Variants in KIF1B observed in about 807,000 individuals in gnomAD.
KIF1B encodes the protein kinesin family member 1B.
In KIF1B, 76 loss-of-function variants were observed where a neutral mutation model predicts 241.9. The observed-to-expected ratio is 0.31, with a 90% CI of 0.26 to 0.38. The LOEUF (loss-of-function observed/expected upper bound fraction) is 0.38. Ranked by LOEUF, KIF1B falls within the 10% of genes least tolerant of loss-of-function variation. The probability of loss-of-function intolerance (pLI) is 1.00; values close to 1 mark genes in which losing one functional copy is unlikely to be tolerated. For synonymous variants in KIF1B, 750 were observed against 796.7 expected (o/e 0.94, Z 0.99); for missense variants, 1,622 against 2,271.4 (o/e 0.71, Z 5.81).
intron 37 of KIF1B, among the ~76,000 whole-genome samples, chr1:10,349,652 T>TTTGA (rs1305953529): frequency 6.6e-6 from 1 of 151,542 alleles, no homozygotes; most frequent in Non-Finnish European, 1.5e-5. Flanking sequence ...ACACAAGCAT[T>TTTGA]TTGAGTAAGA....
At chr1:10,225,011 G>T (rs1646892538) in intron 1 of KIF1B, among the ~76,000 whole-genome samples, 2 of 152,282 alleles carry the variant, frequency 1.3e-5, no homozygotes, top group South Asian at 2.1e-4. Context: ...ACAGTTCACA[G>T]TAATGTTTGC....
chr1:10,248,597 G>A (rs896058614), intron 2 of KIF1B, among the ~76,000 whole-genome samples: 4 of 152,258 alleles, frequency 2.6e-5, no homozygotes, highest in South Asian at 2.1e-4. Context: ...GAAAGATGTC[G>A]TTCTCATGGG....
intron 15 of KIF1B, among the ~76,000 whole-genome samples, chr1:10,283,234 TAA>T (rs1649519652): frequency 8.2e-6 from 1 of 122,350 alleles, no homozygotes; most frequent in Non-Finnish European, 1.7e-5. Context: ...AAAAAAAAGA[TAA>T]AGTTAGAACA....
At position 10,337,558 on chromosome 1, in the gene KIF1B, C is replaced by T; in HGVS notation, c.3422+25C>T. 1.2e-6 allele frequency: 2 copies of T among 1,613,870 alleles called. No individual in the cohort carries two copies. Among genetic ancestry groups the T allele is most frequent in the Non-Finnish European group, 1.7e-6 (2 of 1,179,738 alleles). On this transcript the variant is annotated intron_variant, in intron 31 of 48. Coordinates refer to ENST00000676179, the MANE Select transcript of KIF1B (RefSeq NM_001365951.3). The surrounding 1 kb of genome is among the most constrained non-coding windows in gnomAD (Gnocchi z 4.0). ...AGTAAGCTGCCCCTTTGCTCTGCCT[C>T]CCAGCTAGCTGCTAACCGAGGTGAC... is the stretch of plus-strand genomic sequence containing the variant.
At chr1:10,334,752 TGTGTA>T in intron 28 of KIF1B, 114 bp downstream of exon 28, 2 of 804,326 alleles carry the variant, frequency 2.5e-6, no homozygotes, top group Non-Finnish European at 4.4e-6. Flanking sequence ...GGAGTTTGTA[TGTGTA>T]ATATACAGAC....
intron 2 of KIF1B, among the ~76,000 whole-genome samples, chr1:10,235,128 C>T (rs529926783): frequency 2.0e-5 from 3 of 150,554 alleles, no homozygotes; most frequent in Admixed American, 2.0e-4. Flanking sequence ...GACCTCAGGT[C>T]ATCCGCCTGC....
intron 23 of KIF1B, 103 bp from the exon 24 acceptor site, chr1:10,321,606 C>A: frequency 7.9e-7 from 1 of 1,272,254 alleles, no homozygotes; most frequent in Non-Finnish European, 1.1e-6. Context: ...TGGAGAGAAA[C>A]TGGAAAACAC....
chr1:10,326,672 T>C lies in KIF1B; in HGVS notation c.2924+313T>C, dbSNP rs1301376486. 6.6e-6 allele frequency among the ~76,000 whole-genome samples: 1 copy of C among 152,178 alleles called. No homozygotes were observed. The highest frequency in any genetic ancestry group is 1.5e-5 in the Non-Finnish European group (1 of 68,032). On this transcript the variant is annotated intron_variant, in intron 27 of 48. Transcript: ENST00000676179. The surrounding 1 kb of genome is among the most constrained non-coding windows in gnomAD (Gnocchi z 5.2). ...GGAACCCCAAAGGAGAAAGTAAAGC[T>C]AAGAGTCAAACGTAGTGGGTTCAGT...
rs142283929 is a variant in KIF1B at position 10,222,184 on chromosome 1, C to T, written c.-79-10066C>T. On this transcript the variant is annotated intron_variant, in intron 1 of 48. Transcript: ENST00000676179. Reference sequence around the variant, plus strand: ...ATGCCCTTTTACTCAGAAAAGCAGACGGATATTAAGAAATGAATTAACGCA... The same window carrying T: ...ATGCCCTTTTACTCAGAAAAGCAGATGGATATTAAGAAATGAATTAACGCA... Among the ~76,000 whole-genome samples the T allele has an allele frequency of 5.3e-5, 8 of 152,258 alleles. No individual in the cohort carries two copies. In the East Asian group the frequency reaches 5.8e-4, roughly 11 times the overall value.
chr1:10,374,462 C>T lies in KIF1B; in HGVS notation c.5093C>T (p.Pro1698Leu). 6.2e-7 allele frequency: 1 copy of T among 1,614,072 alleles called. No individual in the cohort carries two copies. The highest frequency in any genetic ancestry group is 1.1e-5 in the South Asian group (1 of 91,076). Residue 1698 changes from proline (P) to leucine (L), a missense_variant, in exon 46 of 49, where the codon CCA becomes CTA. Pro to Leu is a moderately conservative substitution (Grantham distance 98). Around this residue, in one of 7 missense-constraint regions of KIF1B, gnomAD observed 357 missense variants for 409.0 expected, o/e 0.87. Transcript: ENST00000676179. The surrounding 1 kb of genome is among the most constrained non-coding windows in gnomAD (Gnocchi z 4.3). ...NLVPDIEEIR[P>L]SSVVSKKGYL... ...GTTCCAGATATTGAAGAAATTAGAC[C>T]AAGGTGAGTACTATATTGAGCAGGA...
chr1:10,268,107 A>G (rs371479459), intron 6 of KIF1B, 45 bp from the exon 7 acceptor site: 2 of 1,283,288 alleles, frequency 1.6e-6, no homozygotes, highest in Non-Finnish European at 1.1e-6. Context: ...TTCAACTCTC[A>G]TCTAAGAATT....
chr1:10,375,417 C>A, intron 48 of KIF1B, 44 bp downstream of exon 48: 1 of 1,514,132 alleles, frequency 6.6e-7, no homozygotes, highest in Non-Finnish European at 9.2e-7. Context: ...GAGACGGAGT[C>A]TCACTTTTTC....
At chr1:10,276,280 T>C in intron 11 of KIF1B, 41 bp from the exon 12 acceptor site, 4 of 1,403,272 alleles carry the variant, frequency 2.9e-6, no homozygotes, top group Non-Finnish European at 4.0e-6. Context: ...ATTTTTCTTC[T>C]AAAATGAGTG....
intron 22 of KIF1B, among the ~76,000 whole-genome samples, chr1:10,298,347 C>T (rs1010431009): frequency 3.9e-5 from 6 of 152,134 alleles, no homozygotes; most frequent in African/African-American, 9.7e-5. Context: ...GGGCCAGAAA[C>T]GTGAAGGACT....
chr1:10,245,857 C>A (rs1457926672), intron 2 of KIF1B, among the ~76,000 whole-genome samples: 5 of 152,146 alleles, frequency 3.3e-5, no homozygotes, highest in Non-Finnish European at 7.4e-5. Context: ...TCAAACAGTT[C>A]ATTTTCTTGG....
chr1:10,380,766 A>T lies in KIF1B; in HGVS notation c.*4179A>T. ...CAGAAGGTTTGCTGGATGTGTTTACATAGGACTCTAACTTGTGTGCACTAC... is the reference window on the plus strand; with the variant it reads ...CAGAAGGTTTGCTGGATGTGTTTACTTAGGACTCTAACTTGTGTGCACTAC... On this transcript the variant is annotated 3_prime_UTR_variant, in exon 49 of 49. Transcript: ENST00000676179. The T allele has an allele frequency of 9.2e-6, 2 of 217,596 alleles. No homozygotes were observed. Among genetic ancestry groups the T allele is most frequent in the Admixed American group, 1.2e-4 (2 of 17,232 alleles). The allele number at this position is 217,596 out of a possible 1,614,324, so 13.5% of individuals were successfully genotyped here. A position where few individuals can be genotyped will look rare whatever the true frequency, so the allele number is the denominator to read the frequency against.
intron 27 of KIF1B, among the ~76,000 whole-genome samples, chr1:10,330,769 G>T (rs77878136): frequency 2.8e-4 from 42 of 152,168 alleles, no homozygotes; most frequent in Non-Finnish European, 5.3e-4. Flanking sequence ...GCAGACAGTG[G>T]TGAGCAAAAC....
intron 10 of KIF1B, among the ~76,000 whole-genome samples, chr1:10,274,150 C>G (rs1302644137): frequency 1.3e-5 from 2 of 151,766 alleles, no homozygotes; most frequent in African/African-American, 2.4e-5. Flanking sequence ...GTTGGCCAGG[C>G]TGGTCTCGAA....
chr1:10,332,547 A>G (rs1330149748), intron 27 of KIF1B, among the ~76,000 whole-genome samples: 19 of 98,268 alleles, frequency 1.9e-4, no homozygotes, highest in Non-Finnish European at 3.3e-4. Flanking sequence ...ACGGAGTCTC[A>G]CTCTGTCGCC....
Sources: allele counts gnomAD v4.1 joint callset (sites outside exome capture counted in the v4.1 genomes callset), GRCh38; gene constraint gnomAD v4.1.1; regional missense constraint gnomAD v4.1.1; non-coding constraint Gnocchi (gnomAD v3.1); transcripts MANE v1.5; gene names NCBI Gene and HGNC (gene_info 2026-07-23, HGNC 2026-07-21).